The following ANKRD12 variants were observed in gnomAD, a reference collection of about 807,000 sequenced individuals.
The protein encoded by ANKRD12 is ankyrin repeat domain 12.
A neutral mutation model predicts 183.4 loss-of-function variants in ANKRD12; 85 were observed. The ratio of observed to expected loss-of-function variants is 0.46; its 90% CI spans 0.39 to 0.56. The LOEUF (loss-of-function observed/expected upper bound fraction) is 0.56, where lower values mean the gene tolerates loss of function less well. Ranked by LOEUF, ANKRD12 falls within the 20% of genes least tolerant of loss-of-function variation. ANKRD12 has a pLI of 0.00. For synonymous variants in ANKRD12, 914 were observed against 800.2 expected, an observed-to-expected ratio of 1.14 and a Z score of -2.40; for missense variants, 2,405 against 2,357.1, an observed-to-expected ratio of 1.02 and a Z score of -0.42.
chr18:9,275,519 A>T lies in ANKRD12; in HGVS notation c.5764-5A>T. On this transcript the variant is annotated splice_region_variant and splice_polypyrimidine_tract_variant and intron_variant, in intron 10 of 12. Transcript: ENST00000262126. ...TTATTTTTTTTTAATTCTTTATTCA[A>T]CTAGGAAAAACTCATTGTATCCAAC... 1 of 1,584,726 alleles carries T rather than the reference A, an allele frequency of 6.3e-7. No individual in the cohort carries two copies. Among genetic ancestry groups the T allele is most frequent in the South Asian group, 1.2e-5 (1 of 86,244 alleles).
intron 10 of ANKRD12, 98 bp downstream of exon 10, chr18:9,263,986 T>C: frequency 9.4e-7 from 1 of 1,067,816 alleles, no homozygotes; most frequent in African/African-American, 1.6e-5. Flanking sequence ...TTTTTAAAAT[T>C]TAGAACCATT....
At chr18:9,164,861 A>G (rs940574501) in intron 1 of ANKRD12, among the ~76,000 whole-genome samples, 17 of 152,222 alleles carry the variant, frequency 1.1e-4, no homozygotes, top group Non-Finnish European at 2.4e-4. Flanking sequence ...CAATGAGAAG[A>G]ATATATAATC....
chr18:9,204,503 A>AT lies in ANKRD12; in HGVS notation c.265dup (p.Trp89LeufsTer30). ...TCAGATCCAGGACATACAAGTGAAA[A>AT]TTGGGGGGAGAGACTTATATCTTCT... On this transcript the variant is annotated frameshift_variant, in exon 4 of 13. Transcript: ENST00000262126. LOFTEE classifies it high-confidence loss of function. 1 of 1,604,314 alleles carries AT rather than the reference A, an allele frequency of 6.2e-7. No homozygotes were observed. The highest frequency in any genetic ancestry group is 8.5e-7 in the Non-Finnish European group (1 of 1,173,518).
At chr18:9,279,669 A>C (rs763383814) in intron 12 of ANKRD12, 25 bp downstream of exon 12, 95 of 1,343,336 alleles carry the variant, frequency 7.1e-5, no homozygotes, top group Non-Finnish European at 9.5e-5. Context: ...AAGTCAGTTT[A>C]AATGAATGCT....
chr18:9,258,447 C>T lies in ANKRD12; in HGVS notation c.5180C>T (p.Thr1727Ile), dbSNP rs141387073. The change falls in exon 9 of 13, where the codon ACT (threonine) becomes ATT (isoleucine). Residue 1727 changes from threonine to isoleucine, a missense_variant. This residue lies in a region of ANKRD12 where 1,983 missense variants were observed against 1,725.9 expected (regional missense o/e 1.15). Coordinates refer to ENST00000262126, the MANE Select transcript of ANKRD12 (RefSeq NM_015208.5). ...GAAGAAAATGCCGAAGATGATAAAA[C>T]TGAAAACCAAATCCCTCAAAGAATG... The part of the protein sequence containing the change: ...ELEENAEDDK[T>I]ENQIPQRMTR... The T allele has an allele frequency of 6.2e-7, 1 of 1,613,756 alleles. No homozygotes were observed. The highest frequency in any genetic ancestry group is 1.1e-5 in the South Asian group (1 of 91,062).
rs570772371 is a variant in ANKRD12 at position 9,212,667 on chromosome 18, T to C, written c.652+883T>C. ...TCAATGGAGATACATGTTTTAGATTTTTGAAATAATGGAAATTGCCCCCCC... is the reference window on the plus strand; with the variant it reads ...TCAATGGAGATACATGTTTTAGATTCTTGAAATAATGGAAATTGCCCCCCC... On this transcript the variant is annotated intron_variant, in intron 6 of 12. Transcript: ENST00000262126. Among the ~76,000 whole-genome samples the C allele has an allele frequency of 4.6e-4, 70 of 151,546 alleles. No homozygotes were observed. In the South Asian group the frequency reaches 5.6e-3, roughly 12 times the overall value.
rs918860699 is a variant in ANKRD12 at position 9,256,160 on chromosome 18, A to G, written c.2893A>G (p.Arg965Gly). 4 of 1,559,670 alleles carry G rather than the reference A, an allele frequency of 2.6e-6. No individual in the cohort carries two copies. Among genetic ancestry groups the G allele is most frequent in the South Asian group, 1.2e-5 (1 of 81,000 alleles). The change falls in exon 9 of 13, where the codon AGA (arginine) becomes GGA (glycine). Residue 965 changes from arginine to glycine, a missense_variant. By Grantham distance (125) the Arg-to-Gly change is moderately radical (BLOSUM62 -2). Around this residue, in one of 7 missense-constraint regions of ANKRD12, gnomAD observed 1,983 missense variants for 1,725.9 expected, o/e 1.15. Coordinates refer to ENST00000262126, the MANE Select transcript of ANKRD12 (RefSeq NM_015208.5). ...DRELDKKEKS[R>G]DKESINITNS... ...GGAGCTAGATAAAAAGGAAAAATCT[A>G]GAGATAAAGAAAGTATAAATATAAC...
Position 9,256,455 on chromosome 18 carries a change from C to T in ANKRD12, c.3188C>T (p.Thr1063Ile), listed in dbSNP as rs1162850011. Reference sequence around the variant, plus strand: ...AAGTCATCACCAGCATCAAAAGATACCCGACCTAAAGAAAAGAGGTTAGTG... The same window carrying T: ...AAGTCATCACCAGCATCAAAAGATATCCGACCTAAAGAAAAGAGGTTAGTG... ...KPKSSPASKD[T>I]RPKEKRLVND... Residue 1063 changes from threonine to isoleucine, a missense_variant, in exon 9 of 13, where the codon ACC (threonine) becomes ATC (isoleucine). Thr to Ile is a moderately conservative substitution (Grantham distance 89). This residue lies in a region of ANKRD12 where 1,983 missense variants were observed against 1,725.9 expected (regional missense o/e 1.15). Transcript: ENST00000262126. The T allele has an allele frequency of 6.2e-7, 1 of 1,613,318 alleles. No homozygotes were observed. Among genetic ancestry groups the T allele is most frequent in the Non-Finnish European group, 8.5e-7 (1 of 1,179,820 alleles).
intron 3 of ANKRD12, 81 bp from the exon 4 acceptor site, chr18:9,204,395 T>C: frequency 9.9e-7 from 1 of 1,012,424 alleles, no homozygotes; most frequent in Non-Finnish European, 1.5e-6. Flanking sequence ...CTGGTGGTCT[T>C]TTGAAAAATG....
intron 3 of ANKRD12, among the ~76,000 whole-genome samples, chr18:9,198,430 G>A (rs1487722280): frequency 6.6e-6 from 1 of 152,172 alleles, no homozygotes; most frequent in African/African-American, 2.4e-5. Flanking sequence ...TTGGACATAG[G>A]AATTTGCTTT....
chr18:9,173,242 G>A (rs538837390), intron 1 of ANKRD12, among the ~76,000 whole-genome samples: 88 of 151,988 alleles, frequency 5.8e-4, no homozygotes, highest in African/African-American at 1.9e-3. Context: ...GCTAATTTTT[G>A]TATTTTTAGT....
At position 9,211,756 on chromosome 18, in the gene ANKRD12, G is replaced by A. The variant is rs756701604; in HGVS notation, c.624G>A (p.Gly208=). ...AAGTTAAAGAATTAATAAGTTTAGG[G>A]GCAAATGTGAATGTGAAAGATTTTG... ...VKQVKELISL[G]ANVNVKDFAG... Residue 208 remains glycine, a synonymous_variant, in exon 6 of 13, where the codon GGG becomes GGA. Coordinates refer to ENST00000262126, the MANE Select transcript of ANKRD12 (RefSeq NM_015208.5). 8.7e-6 allele frequency: 14 copies of A among 1,613,302 alleles called. No homozygotes were observed. The highest frequency in any genetic ancestry group is 1.7e-5 in the Admixed American group (1 of 59,960).
At chr18:9,144,566 TGA>T (rs2078429687) in intron 1 of ANKRD12, among the ~76,000 whole-genome samples, 1 of 152,204 alleles carries the variant, frequency 6.6e-6, no homozygotes, top group Admixed American at 6.5e-5. Context: ...GTCTCACACT[TGA>T]GTCGTATTCA....
chr18:9,279,075 G>A (rs2039986477), intron 11 of ANKRD12, among the ~76,000 whole-genome samples: 1 of 151,494 alleles, frequency 6.6e-6, no homozygotes, highest in Non-Finnish European at 1.5e-5. Flanking sequence ...GTATTCTTAA[G>A]TGTTGATAAA....
chr18:9,256,690 A>G lies in ANKRD12; in HGVS notation c.3423A>G (p.Ser1141=), dbSNP rs1193399468. 6 of 1,606,590 alleles carry G rather than the reference A, an allele frequency of 3.7e-6. No individual in the cohort carries two copies. In the South Asian group the frequency reaches 4.5e-5, roughly 12 times the overall value. Residue 1141 remains serine, a synonymous_variant, in exon 9 of 13, where the codon TCA becomes TCG. Transcript: ENST00000262126. ...CCAAAAATAAAGAACTTACTAGGTC[A>G]AAGAGTTCAGAAGTGACTGATGCAT... The part of the protein sequence containing the change: ...TESKNKELTR[S]KSSEVTDAYT...
At chr18:9,273,682 GT>G (rs2039707437) in intron 10 of ANKRD12, among the ~76,000 whole-genome samples, 1 of 152,144 alleles carries the variant, frequency 6.6e-6, no homozygotes, top group Non-Finnish European at 1.5e-5. Flanking sequence ...GAGTGTGAAC[GT>G]TTATAGCAGC....
rs374492838 is a variant in ANKRD12 at position 9,273,612 on chromosome 18, A to G, written c.5764-1912A>G. Among the ~76,000 whole-genome samples the G allele has an allele frequency of 3.1e-4, 47 of 152,312 alleles. No individual in the cohort carries two copies. In the South Asian group the frequency reaches 5.4e-3, roughly 17 times the overall value. On this transcript the variant is annotated intron_variant, in intron 10 of 12. Transcript: ENST00000262126. ...TTAAACAGAGTCACCAGATGACCCA[A>G]CAGTTCCATTCTACTTATTTATCCA...
chr18:9,268,872 C>T (rs544336707), intron 10 of ANKRD12, among the ~76,000 whole-genome samples: 77 of 152,230 alleles, frequency 5.1e-4, no homozygotes, highest in African/African-American at 1.7e-3. Flanking sequence ...TCTAGAAAAC[C>T]CCATCGTCTC....
chr18:9,275,587 T>C lies in ANKRD12; in HGVS notation c.5827T>C (p.Leu1943=), dbSNP rs1233841283. Residue 1943 remains leucine (L), a synonymous_variant, in exon 11 of 13, where the codon TTG becomes CTG. Transcript: ENST00000262126. ...LRVHYRAART[L]ANQTLPFSAC... ...AGTTCATTACAGAGCTGCAAGAACATTGGCAAATCAAACACTGCCATTTAG... is the reference window on the plus strand; with the variant it reads ...AGTTCATTACAGAGCTGCAAGAACACTGGCAAATCAAACACTGCCATTTAG... 9 of 1,611,640 alleles carry C rather than the reference T, an allele frequency of 5.6e-6. No individual in the cohort carries two copies. Among genetic ancestry groups the C allele is most frequent in the African/African-American group, 5.3e-5 (4 of 74,898 alleles).
Sources: gnomAD v4.1 joint callset for allele counts (sites outside exome capture counted in the v4.1 genomes callset) on GRCh38, gnomAD v4.1.1 for gene constraint, gnomAD v4.1.1 regional missense constraint, MANE v1.5 for transcripts, NCBI Gene and HGNC (gene_info 2026-07-23, HGNC 2026-07-21) for gene names.